Variants in CERS6 observed in about 807,000 individuals in gnomAD.
CERS6 encodes ceramide synthase 6, also known as LAG1 homolog, ceramide synthase 6.
Under a neutral mutation model 56.8 loss-of-function variants are expected in CERS6, and 26 were observed. The observed-to-expected ratio is 0.46, with a 90% CI of 0.34 to 0.63. The LOEUF is 0.63. Ranked by LOEUF, CERS6 falls within the 30% of genes least tolerant of loss-of-function variation. The pLI is 0.01. For missense variants in CERS6, 415 were observed against 467.5 expected, an observed-to-expected ratio of 0.89 and a Z score of 1.04; for synonymous variants, 164 against 173.3, an observed-to-expected ratio of 0.95 and a Z score of 0.42.
chr2:168,645,105 AAAAAAAAAAAAAT>A, intron 4 of CERS6, among the ~76,000 whole-genome samples: 1 of 70,020 alleles, frequency 1.4e-5, no homozygotes, highest in African/African-American at 5.4e-5. Context: ...AAAAAAAAAA[AAAAAAAAAAAAAT>A]ATATATATAT....
intron 4 of CERS6, among the ~76,000 whole-genome samples, chr2:168,670,966 T>TC (rs35335379): frequency 0.09 from 2,729 of 30,294 alleles, 840 homozygotes; most frequent in Non-Finnish European, 0.22. Context: ...GATACATGCT[T>TC]CCCCCCCCCC....
At chr2:168,459,181 A>G (rs1449577183) in intron 1 of CERS6, among the ~76,000 whole-genome samples, 1 of 152,264 alleles carries the variant, frequency 6.6e-6, no homozygotes, top group African/African-American at 2.4e-5. Flanking sequence ...AGCTGAGACC[A>G]TACCTAAGAA....
chr2:168,728,832 C>G (rs952745181), intron 8 of CERS6, among the ~76,000 whole-genome samples: 6 of 150,434 alleles, frequency 4.0e-5, no homozygotes, highest in Non-Finnish European at 7.4e-5. Context: ...ATGGTGAAAC[C>G]CCATCTCTAC....
chr2:168,732,354 G>A (rs1244530264), intron 8 of CERS6, among the ~76,000 whole-genome samples: 1 of 152,142 alleles, frequency 6.6e-6, no homozygotes, highest in African/African-American at 2.4e-5. Context: ...CCTTGCACCT[G>A]GTGCTGGTGC....
intron 8 of CERS6, among the ~76,000 whole-genome samples, chr2:168,759,524 G>T (rs1386569039): frequency 6.6e-6 from 1 of 152,100 alleles, no homozygotes; most frequent in Non-Finnish European, 1.5e-5. Flanking sequence ...GGAAAGAAAA[G>T]AATTTATTTT....
intron 1 of CERS6, among the ~76,000 whole-genome samples, chr2:168,468,933 C>A (rs575361057): frequency 1.1e-4 from 16 of 152,116 alleles, no homozygotes; most frequent in Admixed American, 2.6e-4. Context: ...ATTTAGACAG[C>A]TCAGAAACAT....
chr2:168,518,576 A>G (rs556297456), intron 1 of CERS6, among the ~76,000 whole-genome samples: 10 of 152,080 alleles, frequency 6.6e-5, no homozygotes, highest in African/African-American at 2.4e-4. Context: ...TCCTGCCCTT[A>G]TATGACTGGC....
intron 4 of CERS6, among the ~76,000 whole-genome samples, chr2:168,670,984 C>T (rs918004383): frequency 7.2e-6 from 1 of 138,884 alleles, no homozygotes; most frequent in Non-Finnish European, 1.6e-5. Flanking sequence ...CCCCCCCAGA[C>T]GGAAGCTTGC....
chr2:168,673,022 A>G (rs1685961093), intron 4 of CERS6, among the ~76,000 whole-genome samples: 1 of 152,228 alleles, frequency 6.6e-6, no homozygotes, highest in Non-Finnish European at 1.5e-5. Context: ...TATTTGAAGG[A>G]CATAGTTTGA....
At chr2:168,747,744 T>G (rs1684149948) in intron 8 of CERS6, among the ~76,000 whole-genome samples, 1 of 152,058 alleles carries the variant, frequency 6.6e-6, no homozygotes, top group Admixed American at 6.6e-5. Context: ...CACAGAAAAT[T>G]TGAAAAAATA....
intron 4 of CERS6, among the ~76,000 whole-genome samples, chr2:168,675,337 C>A (rs1686030431): frequency 6.6e-6 from 1 of 152,086 alleles, no homozygotes; most frequent in Non-Finnish European, 1.5e-5. Context: ...GTAATCCCAG[C>A]ACTTTGGGAG....
At chr2:168,604,820 T>G (rs1166855771) in intron 3 of CERS6, among the ~76,000 whole-genome samples, 1 of 152,218 alleles carries the variant, frequency 6.6e-6, no homozygotes, top group African/African-American at 2.4e-5. Flanking sequence ...CTGTACAGCC[T>G]GTAGAACCAT....
chr2:168,691,101 G>A lies in CERS6; in HGVS notation c.516+17G>A, dbSNP rs761237949. On this transcript the variant is annotated intron_variant, in intron 5 of 9. Transcript: ENST00000305747. The stretch of plus-strand genomic sequence containing the variant: ...CCCTATCAGGTAAGGAGGCATTATT[G>A]TCTGGGTTTTTACACACATTAAGTA... 3 of 1,611,020 alleles carry A rather than the reference G, an allele frequency of 1.9e-6. No homozygotes were observed. The highest frequency in any genetic ancestry group is 2.7e-5 in the African/African-American group (2 of 74,868).
intron 1 of CERS6, among the ~76,000 whole-genome samples, chr2:168,478,151 A>G (rs929087032): frequency 1.3e-5 from 2 of 151,598 alleles, no homozygotes; most frequent in African/African-American, 4.9e-5. Flanking sequence ...CTCTTGAACT[A>G]GTCAGTTTCC....
intron 1 of CERS6, among the ~76,000 whole-genome samples, 199 bp from the exon 2 acceptor site, chr2:168,547,396 AT>A (rs1332662553): frequency 6.6e-6 from 1 of 152,150 alleles, no homozygotes; most frequent in Non-Finnish European, 1.5e-5. Context: ...TTCTTTTTTA[AT>A]GTTACTGCTG....
At chr2:168,467,925 G>A (rs1406083690) in intron 1 of CERS6, among the ~76,000 whole-genome samples, 1 of 152,192 alleles carries the variant, frequency 6.6e-6, no homozygotes, top group African/African-American at 2.4e-5. Flanking sequence ...AGTAGGGCCT[G>A]TTTACATAGT....
chr2:168,598,563 A>T (rs921030328), intron 3 of CERS6, among the ~76,000 whole-genome samples: 5 of 152,150 alleles, frequency 3.3e-5, no homozygotes, highest in African/African-American at 1.2e-4. Context: ...GGTACTCGTA[A>T]ACCCTAAATG....
At chr2:168,642,779 C>T (rs1685079471) in intron 4 of CERS6, among the ~76,000 whole-genome samples, 1 of 152,128 alleles carries the variant, frequency 6.6e-6, no homozygotes, top group Non-Finnish European at 1.5e-5. Flanking sequence ...TGATAATATT[C>T]TAGGAATTGT....
In CERS6 at chr2:168,456,304, C is replaced by CGCGGAGGAG. The variant is rs1693645948; in HGVS notation, c.-140_-132dup. ...GCCGCGAGCCTTCGAGAGCAGCGGCCGCGGAGGAGGCGGCGGCGGCGGGCG... is the reference window on the plus strand; with the variant it reads ...GCCGCGAGCCTTCGAGAGCAGCGGCCGCGGAGGAGGCGGAGGAGGCGGCGGCGGCGGGCG... On this transcript the variant is annotated 5_prime_UTR_variant, in exon 1 of 10. Transcript: ENST00000305747. The surrounding 1 kb of genome is among the most constrained non-coding windows in gnomAD (Gnocchi z 4.1). The CGCGGAGGAG allele has an allele frequency of 3.2e-6, 1 of 311,402 alleles. No individual in the cohort carries two copies. 19.3% of individuals were successfully genotyped at this position (311,402 alleles called of 1,614,324 possible). A position where few individuals can be genotyped will look rare whatever the true frequency, so the allele number is the denominator to read the frequency against.
Sources: gnomAD v4.1 joint callset for allele counts (sites outside exome capture counted in the v4.1 genomes callset) on GRCh38, gnomAD v4.1.1 for gene constraint, Gnocchi (gnomAD v3.1) non-coding constraint, MANE v1.5 for transcripts, NCBI Gene and HGNC (gene_info 2026-07-23, HGNC 2026-07-21) for gene names.